MKLN1: variants seen among roughly 807,000 people sequenced by gnomAD.
MKLN1 encodes the protein muskelin.
MKLN1 carries 18 observed loss-of-function variants against 99.0 expected under a neutral mutation model. The observed-to-expected ratio is 0.18, with a 90% CI of 0.13 to 0.27. The LOEUF is 0.27. Ranked by LOEUF, MKLN1 falls within the 10% of genes least tolerant of loss-of-function variation. The probability of loss-of-function intolerance (pLI) is 1.00; values close to 1 mark genes in which losing one functional copy is unlikely to be tolerated. For missense variants in MKLN1, 621 were observed against 875.9 expected, an observed-to-expected ratio of 0.71 and a Z score of 3.67; for synonymous variants, 288 against 293.2, an observed-to-expected ratio of 0.98 and a Z score of 0.18.
intron 3 of MKLN1, among the ~76,000 whole-genome samples, chr7:131,203,372 C>T (rs889470438): frequency 6.6e-6 from 1 of 152,002 alleles, no homozygotes; most frequent in Admixed American, 6.6e-5. Context: ...TACTTAGATT[C>T]CTGGAAATTG....
intron 3 of MKLN1, among the ~76,000 whole-genome samples, chr7:131,214,182 C>A (rs764674218): frequency 1.3e-5 from 2 of 152,176 alleles, no homozygotes; most frequent in Non-Finnish European, 2.9e-5. Flanking sequence ...GCCACTGAGC[C>A]CAGCCCTCGT....
At chr7:131,352,959 A>G (rs1296542215) in intron 1 of MKLN1, among the ~76,000 whole-genome samples, 2 of 152,204 alleles carry the variant, frequency 1.3e-5, no homozygotes, top group African/African-American at 2.4e-5. Flanking sequence ...TGCAAATACA[A>G]ACATCTACAT....
At chr7:131,329,955 C>T (rs1056163966) in intron 1 of MKLN1, among the ~76,000 whole-genome samples, 4 of 152,178 alleles carry the variant, frequency 2.6e-5, no homozygotes, top group African/African-American at 9.7e-5. Flanking sequence ...ATTCTATTGA[C>T]AAATGCAGTA....
intron 2 of MKLN1, among the ~76,000 whole-genome samples, chr7:131,385,763 A>T (rs368863623): frequency 1.3e-5 from 2 of 152,160 alleles, no homozygotes; most frequent in African/African-American, 4.8e-5. Context: ...AATATATTCC[A>T]GATACCAGAC....
chr7:131,114,553 A>C (rs1795246131), intron 1 of MKLN1, among the ~76,000 whole-genome samples: 1 of 152,190 alleles, frequency 6.6e-6, no homozygotes, highest in Non-Finnish European at 1.5e-5. Flanking sequence ...AATACAGGGG[A>C]AAAATATCCC....
chr7:131,248,536 T>G (rs1159482728), intron 3 of MKLN1, among the ~76,000 whole-genome samples: 1 of 152,242 alleles, frequency 6.6e-6, no homozygotes, highest in African/African-American at 2.4e-5. Flanking sequence ...ATGGATCTTT[T>G]GCTTACTTAC....
chr7:131,135,568 C>CTCA (rs1795637723), intron 1 of MKLN1, among the ~76,000 whole-genome samples: 1 of 152,190 alleles, frequency 6.6e-6, no homozygotes, highest in African/African-American at 2.4e-5. Context: ...GCCAAAGAGA[C>CTCA]TGCGAGGGAA....
intron 3 of MKLN1, among the ~76,000 whole-genome samples, chr7:131,220,304 A>G (rs1244851402): frequency 1.3e-5 from 2 of 152,146 alleles, no homozygotes; most frequent in Non-Finnish European, 2.9e-5. Context: ...CCCCACTCCC[A>G]TAACCTGTTT....
chr7:131,477,061 A>C (rs997539867), intron 16 of MKLN1, among the ~76,000 whole-genome samples: 1 of 152,232 alleles, frequency 6.6e-6, no homozygotes, highest in South Asian at 2.1e-4. Flanking sequence ...TTAATTTAAG[A>C]TTGATTACAG....
chr7:131,281,924 C>T (rs948492717), intron 3 of MKLN1, among the ~76,000 whole-genome samples: 1 of 152,120 alleles, frequency 6.6e-6, no homozygotes, highest in Non-Finnish European at 1.5e-5. Context: ...CCTCCCACCT[C>T]AGCCTCCCAG....
At chr7:131,419,867 T>G (rs1262002334) in intron 8 of MKLN1, among the ~76,000 whole-genome samples, 2 of 152,208 alleles carry the variant, frequency 1.3e-5, no homozygotes, top group African/African-American at 4.8e-5. Flanking sequence ...GACTTTAACC[T>G]ACATGCAGAG....
chr7:131,315,829 C>T (rs1020731034), intron 3 of MKLN1, among the ~76,000 whole-genome samples: 3 of 152,160 alleles, frequency 2.0e-5, no homozygotes, highest in Non-Finnish European at 4.4e-5. Context: ...GCGGCTGTGG[C>T]CAGACTGCTT....
At chr7:131,319,577 T>C (rs1183483479) in intron 3 of MKLN1, among the ~76,000 whole-genome samples, 1 of 152,182 alleles carries the variant, frequency 6.6e-6, no homozygotes, top group Non-Finnish European at 1.5e-5. Flanking sequence ...CAACATAGTA[T>C]TGGAAGTTCT....
At chr7:131,162,000 T>TATAG (rs1491177471) in intron 2 of MKLN1, among the ~76,000 whole-genome samples, 100 of 126,980 alleles carry the variant, frequency 7.9e-4, no homozygotes, top group South Asian at 2.9e-3. Context: ...TATATATATA[T>TATAG]GTAACAGAGT....
At chr7:131,405,058 T>A (rs1037424987) in intron 6 of MKLN1, among the ~76,000 whole-genome samples, 2 of 152,172 alleles carry the variant, frequency 1.3e-5, no homozygotes, top group Non-Finnish European at 2.9e-5. Flanking sequence ...GAGTTGTTAA[T>A]TGTTTGGTTC....
chr7:131,197,518 G>A (rs963870389), intron 2 of MKLN1, among the ~76,000 whole-genome samples: 2 of 151,326 alleles, frequency 1.3e-5, no homozygotes, highest in African/African-American at 4.9e-5. Context: ...AAAGTGCTGG[G>A]GTTACAGGCA....
chr7:131,177,420 G>T (rs1796315156), intron 2 of MKLN1, among the ~76,000 whole-genome samples: 1 of 147,502 alleles, frequency 6.8e-6, no homozygotes, highest in African/African-American at 2.5e-5. Context: ...AGTGAGCCAA[G>T]ATTGTGCCAC....
intron 3 of MKLN1, among the ~76,000 whole-genome samples, chr7:131,320,677 C>T (rs1798758554): frequency 6.6e-6 from 1 of 151,880 alleles, no homozygotes; most frequent in Admixed American, 6.6e-5. Flanking sequence ...TGCAATCTAC[C>T]CATGTGTCAA....
At chr7:131,238,205 G>T (rs1797352972) in intron 3 of MKLN1, among the ~76,000 whole-genome samples, 1 of 152,128 alleles carries the variant, frequency 6.6e-6, no homozygotes, top group Non-Finnish European at 1.5e-5. Context: ...CTCATCTTGT[G>T]TGCCTGCAAA....
Sources: gnomAD v4.1 joint callset for allele counts (sites outside exome capture counted in the v4.1 genomes callset) on GRCh38, gnomAD v4.1.1 for gene constraint, MANE v1.5 for transcripts, NCBI Gene and HGNC (gene_info 2026-07-23, HGNC 2026-07-21) for gene names.